COLQ: variants seen among roughly 807,000 people sequenced by gnomAD.
COLQ encodes the protein acetylcholinesterase collagenic tail peptide.
In COLQ, 48 loss-of-function variants were observed where a neutral mutation model predicts 69.0. The ratio of observed to expected loss-of-function variants is 0.70; its 90% CI spans 0.55 to 0.88. COLQ has a LOEUF of 0.88. Among genes scored for constraint, COLQ ranks in the 40% least tolerant of loss-of-function variants. COLQ has a pLI of 0.00. For synonymous variants in COLQ, 217 were observed against 211.2 expected (o/e 1.03, Z -0.24); for missense variants, 618 against 594.6 (o/e 1.04, Z -0.41).
chr3:15,451,632 T>C lies in COLQ; in HGVS notation c.*12A>G, dbSNP rs1271005119. 11 of 1,613,828 alleles carry C rather than the reference T, an allele frequency of 6.8e-6. No individual in the cohort carries two copies. Among genetic ancestry groups the C allele is most frequent in the Non-Finnish European group, 9.3e-6 (11 of 1,179,654 alleles). On this transcript the variant is annotated 3_prime_UTR_variant, in exon 17 of 17. Coordinates refer to ENST00000383788, the MANE Select transcript of COLQ (RefSeq NM_005677.4). The stretch of plus-strand genomic sequence containing the variant: ...GTTCTGTGGGGCGCAGCCCACCTTC[T>C]CCTCACGGCCCTCAGGTGAAGTAGC...
chr3:15,469,260 T>C (rs545933746), intron 11 of COLQ, among the ~76,000 whole-genome samples: 1 of 152,290 alleles, frequency 6.6e-6, no homozygotes, highest in Admixed American at 6.5e-5. Flanking sequence ...TTCCTGGCTT[T>C]GGTTATCGCC....
intron 3 of COLQ, among the ~76,000 whole-genome samples, chr3:15,482,260 G>C (rs2062500143): frequency 6.6e-6 from 1 of 152,142 alleles, no homozygotes; most frequent in African/African-American, 2.4e-5. Context: ...GATAGGAGTG[G>C]TGAGAGAGGG....
At chr3:15,478,613 TCAAA>T (rs2062421422) in intron 5 of COLQ, 2 of 350,104 alleles carry the variant, frequency 5.7e-6, no homozygotes, top group South Asian at 3.6e-5. Flanking sequence ...TCAAATTTAA[TCAAA>T]CAGAGAGTGA....
At chr3:15,456,845 T>C (rs1444497996) in intron 13 of COLQ, among the ~76,000 whole-genome samples, 2 of 151,572 alleles carry the variant, frequency 1.3e-5, no homozygotes, top group Non-Finnish European at 2.9e-5. Context: ...GTTTTTGAGA[T>C]GGAGTCTCAC....
At chr3:15,521,379 G>T (rs1290204879) in intron 1 of COLQ, 141 bp downstream of exon 1, 2 of 1,092,856 alleles carry the variant, frequency 1.8e-6, no homozygotes, top group Admixed American at 2.0e-5. Context: ...ACAGGAAGCT[G>T]CTGGGGTGGC....
intron 1 of COLQ, among the ~76,000 whole-genome samples, chr3:15,517,707 C>T (rs965858643): frequency 1.3e-5 from 2 of 152,172 alleles, no homozygotes; most frequent in Non-Finnish European, 2.9e-5. Flanking sequence ...CAATGGTTAA[C>T]GCAATACACC....
At chr3:15,465,569 TTTTTA>T (rs1432920690) in intron 12 of COLQ, among the ~76,000 whole-genome samples, 1 of 148,844 alleles carries the variant, frequency 6.7e-6, no homozygotes, top group Non-Finnish European at 1.5e-5. Flanking sequence ...CCCAGCCAAC[TTTTTA>T]TTTTTTTATT....
rs762939356 is a variant in COLQ at position 15,456,418 on chromosome 3, C to T, written c.1074+42G>A. ...CTTCCTTTAATGGATGCATCTCTCT[C>T]CTGGGCAGGGAGTATGTCCTGAGGT... On this transcript the variant is annotated intron_variant, in intron 14 of 16. Transcript: ENST00000383788. 5 of 1,612,222 alleles carry T rather than the reference C, an allele frequency of 3.1e-6. No homozygotes were observed. The South Asian group carries it at 3.3e-5, about 11-fold the overall frequency.
At chr3:15,477,316 C>T in intron 5 of COLQ, 119 bp from the exon 6 acceptor site, 1 of 854,818 alleles carries the variant, frequency 1.2e-6, no homozygotes, top group Non-Finnish European at 1.9e-6. Context: ...GCTACTATGA[C>T]CCTCATCCCC....
intron 1 of COLQ, among the ~76,000 whole-genome samples, chr3:15,507,828 T>C (rs2062932083): frequency 6.6e-6 from 1 of 152,220 alleles, no homozygotes; most frequent in Non-Finnish European, 1.5e-5. Context: ...TTTGAAGCCA[T>C]TTATACTTTT....
At chr3:15,462,370 C>A (rs1406493687) in intron 12 of COLQ, among the ~76,000 whole-genome samples, 5 of 152,126 alleles carry the variant, frequency 3.3e-5, no homozygotes, top group Non-Finnish European at 5.9e-5. Context: ...TCTCTCCCCA[C>A]CCCTCCAATA....
At chr3:15,507,590 G>A (rs1299290880) in intron 1 of COLQ, among the ~76,000 whole-genome samples, 1 of 152,200 alleles carries the variant, frequency 6.6e-6, no homozygotes, top group Non-Finnish European at 1.5e-5. Flanking sequence ...AAGAAGCTGG[G>A]ACTACAGGTG....
At chr3:15,500,384 AATTTC>A (rs2062814489) in intron 1 of COLQ, among the ~76,000 whole-genome samples, 1 of 152,042 alleles carries the variant, frequency 6.6e-6, no homozygotes, top group Non-Finnish European at 1.5e-5. Flanking sequence ...TCATTTTTCA[AATTTC>A]ATTTCGCAAA....
chr3:15,513,858 T>A (rs998445528), intron 1 of COLQ, among the ~76,000 whole-genome samples: 1 of 152,200 alleles, frequency 6.6e-6, no homozygotes, highest in South Asian at 2.1e-4. Context: ...TGTTACCTTA[T>A]ATGGAAAATG....
chr3:15,520,589 G>C (rs112233967), intron 1 of COLQ, among the ~76,000 whole-genome samples: 61 of 152,282 alleles, frequency 4.0e-4, no homozygotes, highest in African/African-American at 1.4e-3. Flanking sequence ...AACTTTGCTG[G>C]GGAGAGTCAG....
At chr3:15,491,520 C>T (rs1420961107) in intron 1 of COLQ, among the ~76,000 whole-genome samples, 2 of 152,212 alleles carry the variant, frequency 1.3e-5, no homozygotes, top group Admixed American at 6.5e-5. Context: ...CCAGGTCGTG[C>T]GGTGTCCACG....
Position 15,521,565 on chromosome 3 carries a change from C to T in COLQ, c.61G>A (p.Val21Met), listed in dbSNP as rs142115188. 1.8e-4 allele frequency: 298 copies of T among 1,614,098 alleles called. No individual in the cohort carries two copies. The highest frequency in any genetic ancestry group is 2.3e-4 in the Non-Finnish European group (273 of 1,180,040). The change falls in exon 1 of 17, where the codon GTG becomes ATG. Residue 21 changes from valine to methionine, a missense_variant. Coordinates refer to ENST00000383788, the MANE Select transcript of COLQ (RefSeq NM_005677.4). Reference sequence around the variant, plus strand: ...CTGTTGATGAAAGTCGGCTGAGACACGATAGAGAGGAAGAAAAGCTGAAGA... The same window carrying T: ...CTGTTGATGAAAGTCGGCTGAGACATGATAGAGAGGAAGAAAAGCTGAAGA... The part of the protein sequence containing the change: ...IYLQLFFLSI[V>M]SQPTFINSVL...
chr3:15,462,113 C>T (rs896024649), intron 12 of COLQ, among the ~76,000 whole-genome samples: 20 of 152,118 alleles, frequency 1.3e-4, no homozygotes, highest in Admixed American at 1.2e-3. Flanking sequence ...ACTGTAACCT[C>T]CGCCTCCCGG....
At position 15,458,316 on chromosome 3, in the gene COLQ, A is replaced by T; in HGVS notation, c.824T>A (p.Ile275Lys). The T allele has an allele frequency of 1.2e-6, 2 of 1,614,084 alleles. No homozygotes were observed. The highest frequency in any genetic ancestry group is 1.7e-6 in the Non-Finnish European group (2 of 1,179,994). ...TCCTCTTTCCCCTTTGGGTCCCATTATAAGTTGTCCTAGGAAGCAACAGAC... is the reference window on the plus strand; with the variant it reads ...TCCTCTTTCCCCTTTGGGTCCCATTTTAAGTTGTCCTAGGAAGCAACAGAC... The part of the protein sequence containing the change: ...PPGPPPAGQL[I>K]MGPKGERGFP... The change falls in exon 13 of 17, where the codon ATA becomes AAA. Residue 275 changes from isoleucine to lysine, a missense_variant. Physicochemically the swap from Ile to Lys is moderately radical, Grantham distance 102 (BLOSUM62 -3). Transcript: ENST00000383788.
Sources: gnomAD v4.1 joint callset for allele counts (sites outside exome capture counted in the v4.1 genomes callset) on GRCh38, gnomAD v4.1.1 for gene constraint, MANE v1.5 for transcripts, NCBI Gene and HGNC (gene_info 2026-07-23, HGNC 2026-07-21) for gene names.